Variants in FHIT observed in about 807,000 individuals in gnomAD.
The protein encoded by FHIT is bis(5'-adenosyl)-triphosphatase.
A neutral mutation model predicts 17.9 loss-of-function variants in FHIT; 19 were observed. The observed-to-expected ratio is 1.06, with a 90% CI of 0.74 to 1.56. The LOEUF is 1.56. FHIT is among the 40% of genes most tolerant of loss of function. FHIT has a pLI of 0.00. For synonymous variants in FHIT, 81 were observed against 69.7 expected (o/e 1.16, Z -0.81); for missense variants, 248 against 189.2 (o/e 1.31, Z -1.82).
chr3:60,103,954 A>G (rs566725566), intron 5 of FHIT, among the ~76,000 whole-genome samples: 6 of 152,286 alleles, frequency 3.9e-5, no homozygotes, highest in African/African-American at 1.2e-4. Context: ...CCCTCCTTAT[A>G]GACACTTCTG....
At position 61,168,797 on chromosome 3, in the gene FHIT, C is replaced by G. The variant is rs142119955; in HGVS notation, c.-164+31820G>C. Among the ~76,000 whole-genome samples the G allele has an allele frequency of 7.2e-5, 11 of 152,178 alleles. No individual in the cohort carries two copies. The South Asian group carries it at 8.3e-4, about 11-fold the overall frequency. On this transcript the variant is annotated intron_variant, in intron 2 of 9. Transcript: ENST00000492590. ...ATTCTTACAAACAACCTGATCTGGG[C>G]GGATAGTTAACTCACACCATGAAGC...
At position 59,986,732 on chromosome 3, in the gene FHIT, A is replaced by ATATATAAATATATT. The variant is rs1559524289; in HGVS notation, c.279+24638_279+24639insAATATATTTATATA. Among the ~76,000 whole-genome samples the ATATATAAATATATT allele has an allele frequency of 3.2e-3, 17 of 5,330 alleles. 3 individuals carry two copies. The highest frequency in any genetic ancestry group is 9.6e-3 in the South Asian group (1 of 104). 3.5% of individuals were successfully genotyped at this position (5,330 alleles called of 152,430 possible). On this transcript the variant is annotated intron_variant, in intron 7 of 9. Transcript: ENST00000492590. ...TAAATATATACATATATTTATATAA[A>ATATATAAATATATT]TATATACATATATTTATATATATAT...
chr3:59,975,717 C>T (rs1164107788), intron 7 of FHIT, among the ~76,000 whole-genome samples: 1 of 151,986 alleles, frequency 6.6e-6, no homozygotes, highest in Non-Finnish European at 1.5e-5. Flanking sequence ...AAGACTCATC[C>T]TGGAGAACTT....
At chr3:59,847,416 A>G (rs1434760370) in intron 8 of FHIT, among the ~76,000 whole-genome samples, 1 of 151,848 alleles carries the variant, frequency 6.6e-6, no homozygotes, top group African/African-American at 2.4e-5. Context: ...CAGCTTTACA[A>G]TTTATTTTTG....
chr3:60,447,589 A>G (rs1246003157), intron 5 of FHIT, among the ~76,000 whole-genome samples: 1 of 152,158 alleles, frequency 6.6e-6, no homozygotes, highest in Non-Finnish European at 1.5e-5. Context: ...CATTTGGAGT[A>G]CTTGAGATGC....
intron 5 of FHIT, among the ~76,000 whole-genome samples, chr3:60,056,234 G>A (rs139924370): frequency 6.6e-6 from 1 of 152,138 alleles, no homozygotes; most frequent in Non-Finnish European, 1.5e-5. Context: ...GACACACAGA[G>A]GGAATGGATT....
chr3:60,183,522 CTCAA>C (rs1437421518), intron 5 of FHIT, among the ~76,000 whole-genome samples: 1 of 152,132 alleles, frequency 6.6e-6, no homozygotes, highest in Non-Finnish European at 1.5e-5. Flanking sequence ...GACAGTGTCC[CTCAA>C]TCAGACACAC....
intron 3 of FHIT, among the ~76,000 whole-genome samples, chr3:60,964,796 A>C (rs1709637007): frequency 6.6e-6 from 1 of 152,060 alleles, no homozygotes. Flanking sequence ...CTGCCAAGAG[A>C]TCTGTTGTTA....
At chr3:60,923,924 C>T (rs760967832) in intron 3 of FHIT, among the ~76,000 whole-genome samples, 92 of 152,314 alleles carry the variant, frequency 6.0e-4, no homozygotes, top group East Asian at 9.7e-4. Flanking sequence ...CTGCACCTGG[C>T]TAGGAGGGTC....
intron 4 of FHIT, among the ~76,000 whole-genome samples, chr3:60,682,577 C>G (rs1577064816): frequency 6.6e-6 from 1 of 152,274 alleles, no homozygotes; most frequent in African/African-American, 2.4e-5. Flanking sequence ...ATTTTAAGCC[C>G]TCTCTTGAGA....
chr3:60,001,628 T>C (rs1699731894), intron 7 of FHIT, among the ~76,000 whole-genome samples: 1 of 152,162 alleles, frequency 6.6e-6, no homozygotes. Context: ...CAGACTTAAA[T>C]GCTACAGGGG....
chr3:60,878,830 T>C (rs1704814141), intron 3 of FHIT, among the ~76,000 whole-genome samples: 2 of 152,230 alleles, frequency 1.3e-5, no homozygotes, highest in South Asian at 2.1e-4. Context: ...CATCCTTTTT[T>C]ATGGCTGCAT....
chr3:60,716,278 C>T (rs1553706767), intron 4 of FHIT, among the ~76,000 whole-genome samples: 1 of 152,012 alleles, frequency 6.6e-6, no homozygotes, highest in South Asian at 2.1e-4. Context: ...CACACACACA[C>T]ATGCAAAAAA....
intron 5 of FHIT, among the ~76,000 whole-genome samples, chr3:60,022,769 T>C (rs1319170240): frequency 6.6e-6 from 1 of 152,206 alleles, no homozygotes; most frequent in African/African-American, 2.4e-5. Flanking sequence ...GAAAAAAATA[T>C]TAGCGTGTAT....
chr3:60,519,456 C>G (rs2035277805), intron 5 of FHIT, among the ~76,000 whole-genome samples: 1 of 152,188 alleles, frequency 6.6e-6, no homozygotes, highest in African/African-American at 2.4e-5. Context: ...TGAAAATTCA[C>G]ATGTAACTTA....
At chr3:61,137,260 CTCTTTTTT>C (rs1334926670) in intron 2 of FHIT, among the ~76,000 whole-genome samples, 6 of 126,864 alleles carry the variant, frequency 4.7e-5, no homozygotes, top group Non-Finnish European at 9.6e-5. Context: ...ATAGGTTTCA[CTCTTTTTT>C]TTTTTTTTTT....
chr3:60,324,612 A>G (rs1193366613), intron 5 of FHIT, among the ~76,000 whole-genome samples: 4 of 151,862 alleles, frequency 2.6e-5, no homozygotes, highest in Non-Finnish European at 5.9e-5. Flanking sequence ...AGCAACTGAC[A>G]ATAGAGTTGT....
intron 2 of FHIT, among the ~76,000 whole-genome samples, chr3:61,156,758 T>A (rs1254438735): frequency 6.6e-6 from 1 of 152,222 alleles, no homozygotes; most frequent in Non-Finnish European, 1.5e-5. Flanking sequence ...TTTCTGTAAT[T>A]AGCAACATCA....
At chr3:60,696,248 A>T (rs2041111730) in intron 4 of FHIT, among the ~76,000 whole-genome samples, 1 of 152,156 alleles carries the variant, frequency 6.6e-6, no homozygotes, top group African/African-American at 2.4e-5. Flanking sequence ...AGCAGATTTA[A>T]CCAGATCAGT....
Sources: allele counts gnomAD v4.1 joint callset (sites outside exome capture counted in the v4.1 genomes callset), GRCh38; gene constraint gnomAD v4.1.1; transcripts MANE v1.5; gene names NCBI Gene and HGNC (gene_info 2026-07-23, HGNC 2026-07-21).